The following ANO3 variants were observed in gnomAD, a reference collection of about 807,000 sequenced individuals.
ANO3 encodes the protein anoctamin-3.
ANO3 carries 99 observed loss-of-function variants against 144.8 expected under a neutral mutation model. The ratio of observed to expected loss-of-function variants is 0.68; its 90% CI spans 0.58 to 0.81. The LOEUF (loss-of-function observed/expected upper bound fraction) is 0.81, where lower values mean the gene tolerates loss of function less well. Ranked by LOEUF, ANO3 falls within the 30% of genes least tolerant of loss-of-function variation. The probability of loss-of-function intolerance (pLI) is 0.00; values close to 1 mark genes in which losing one functional copy is unlikely to be tolerated. For missense variants in ANO3, 905 were observed against 1,202.2 expected (o/e 0.75, Z 3.66); for synonymous variants, 414 against 392.6 (o/e 1.05, Z -0.64).
Position 26,598,920 on chromosome 11 carries a change from G to A in ANO3, c.1593G>A (p.Thr531=), listed in dbSNP as rs202180594. The change falls in exon 16 of 27, where the codon ACG becomes ACA. Residue 531 remains threonine (T), a synonymous_variant. Coordinates refer to ENST00000256737, the MANE Select transcript of ANO3 (RefSeq NM_031418.4). ...YYKMEIVNPI[T]GKPEPHQPSS... ...AGATGGAGATTGTAAATCCCATCACGGGAAAACCTGAACCACATCAGCCTT... is the reference window on the plus strand; with the variant it reads ...AGATGGAGATTGTAAATCCCATCACAGGAAAACCTGAACCACATCAGCCTT... 5.2e-5 allele frequency: 84 copies of A among 1,613,776 alleles called. No individual in the cohort carries two copies. The highest frequency in any genetic ancestry group is 2.5e-5 in the Non-Finnish European group (30 of 1,179,934).
intron 17 of ANO3, among the ~76,000 whole-genome samples, chr11:26,612,754 A>C (rs1028461539): frequency 1.3e-5 from 2 of 152,072 alleles, no homozygotes; most frequent in Non-Finnish European, 2.9e-5. Context: ...TCTGAAGGAT[A>C]GCTTTATGGA....
chr11:26,308,149 AATCTAAAT>A (rs1488301108), upstream of ANO3, among the ~76,000 whole-genome samples: 3 of 152,210 alleles, frequency 2.0e-5, no homozygotes, highest in Non-Finnish European at 4.4e-5. Flanking sequence ...ACAATTGGCA[AATCTAAAT>A]ATCTTTCTGC....
At chr11:26,278,668 GT>G (rs1482780961) in intron 1 of ANO3, among the ~76,000 whole-genome samples, 9 of 152,098 alleles carry the variant, frequency 5.9e-5, no homozygotes, top group African/African-American at 2.2e-4. Flanking sequence ...AAATTCTACA[GT>G]GGATAAAACT....
Position 26,277,284 on chromosome 11 carries a change from A to G in ANO3, c.155-32361A>G, listed in dbSNP as rs1021216244. ...AAGGCTAAACATTATATTTCTCATT[A>G]TATAAATAGAAGAGAAAACAATTTG... is the stretch of plus-strand genomic sequence containing the variant. On this transcript the variant is annotated intron_variant, in intron 1 of 27. Coordinates refer to the ANO3 transcript ENST00000672621. 2.0e-5 allele frequency among the ~76,000 whole-genome samples: 3 copies of G among 152,266 alleles called. No homozygotes were observed. In the South Asian group the frequency reaches 6.2e-4, roughly 32 times the overall value.
At chr11:26,343,586 T>C (rs1855420173) in intron 1 of ANO3, among the ~76,000 whole-genome samples, 1 of 152,178 alleles carries the variant, frequency 6.6e-6, no homozygotes, top group South Asian at 2.1e-4. Context: ...GTCGTGCATT[T>C]ACATTCTACT....
intron 21 of ANO3, among the ~76,000 whole-genome samples, chr11:26,641,178 T>C (rs1853138253): frequency 6.7e-6 from 1 of 149,988 alleles, no homozygotes; most frequent in Non-Finnish European, 1.5e-5. Context: ...AAAACAGTAT[T>C]GTTACTTCCT....
At chr11:26,591,152 G>A (rs1851439191) in intron 14 of ANO3, among the ~76,000 whole-genome samples, 1 of 152,146 alleles carries the variant, frequency 6.6e-6, no homozygotes, top group African/African-American at 2.4e-5. Flanking sequence ...CCCTTCCCCA[G>A]CTAGGCTTAG....
intron 1 of ANO3, among the ~76,000 whole-genome samples, chr11:26,355,712 A>G (rs1855764877): frequency 6.6e-6 from 1 of 151,000 alleles, no homozygotes; most frequent in Non-Finnish European, 1.5e-5. Flanking sequence ...GGCGCCCCCC[A>G]CCACGCCTGG....
intron 24 of ANO3, among the ~76,000 whole-genome samples, chr11:26,654,623 AT>A (rs748339676): frequency 3.9e-5 from 6 of 152,040 alleles, no homozygotes; most frequent in Non-Finnish European, 8.8e-5. Context: ...TGTGTAGGCA[AT>A]GTTGAATAGA....
chr11:26,479,114 G>A (rs1443620467), intron 4 of ANO3, among the ~76,000 whole-genome samples: 2 of 152,146 alleles, frequency 1.3e-5, no homozygotes, highest in Non-Finnish European at 2.9e-5. Flanking sequence ...AATCCTGACA[G>A]CTCCATTTGG....
At chr11:26,613,021 A>C (rs200569439) in intron 17 of ANO3, among the ~76,000 whole-genome samples, 1 of 152,154 alleles carries the variant, frequency 6.6e-6, no homozygotes, top group South Asian at 2.1e-4. Context: ...TCCTGAATCT[A>C]TCTAGATATA....
At chr11:26,309,213 GT>G (rs1280380504), upstream of ANO3, among the ~76,000 whole-genome samples, 1 of 152,160 alleles carries the variant, frequency 6.6e-6, no homozygotes, top group Non-Finnish European at 1.5e-5. Context: ...CTGAGCAGAG[GT>G]TAGAAAGGAT....
intron 1 of ANO3, among the ~76,000 whole-genome samples, chr11:26,283,930 A>T (rs1395532738): frequency 6.6e-6 from 1 of 152,204 alleles, no homozygotes; most frequent in Non-Finnish European, 1.5e-5. Context: ...TACCTGCAAG[A>T]TGCACCAGAA....
At chr11:26,652,461 A>G (rs941870976) in intron 24 of ANO3, among the ~76,000 whole-genome samples, 1 of 152,072 alleles carries the variant, frequency 6.6e-6, no homozygotes, top group Non-Finnish European at 1.5e-5. Flanking sequence ...AAGTTCCTAG[A>G]AATAGAACCA....
At chr11:26,297,006 C>G (rs1446242259) in intron 1 of ANO3, among the ~76,000 whole-genome samples, 1 of 152,070 alleles carries the variant, frequency 6.6e-6, no homozygotes, top group East Asian at 1.9e-4. Context: ...GACAGGTAGC[C>G]ACACCCAGGA....
chr11:26,465,751 G>T (rs1254872952), intron 4 of ANO3, among the ~76,000 whole-genome samples: 1 of 151,944 alleles, frequency 6.6e-6, no homozygotes, highest in Non-Finnish European at 1.5e-5. Context: ...ACTAGGAGTT[G>T]TGTAAATAGA....
chr11:26,573,720 C>T lies in ANO3; in HGVS notation c.1447+13941C>T, dbSNP rs149942877. ...TGTTGCTTTTTCCTGAAGACCCTTT[C>T]TGTGGGCCCAGAATCCTATTCATCA... On this transcript the variant is annotated intron_variant, in intron 14 of 26. Transcript: ENST00000256737. Among the ~76,000 whole-genome samples the T allele has an allele frequency of 2.1e-3, 321 of 152,270 alleles. 1 individual carries two copies. The highest frequency in any genetic ancestry group is 3.7e-3 in the Non-Finnish European group (249 of 68,018).
intron 1 of ANO3, among the ~76,000 whole-genome samples, chr11:26,368,689 T>C (rs1856163768): frequency 6.6e-6 from 1 of 152,056 alleles, no homozygotes; most frequent in Admixed American, 6.6e-5. Context: ...TGTGCGTGTG[T>C]GTATGCATGC....
Position 26,383,888 on chromosome 11 carries a change from C to CTTTTTTTTTT in ANO3, c.46+51585_46+51594dup, listed in dbSNP as rs61094091. The stretch of plus-strand genomic sequence containing the variant: ...CATTGTTCTTGTGCCATGCATTGTT[C>CTTTTTTTTTT]TTTTTTTTTTTTTTTTTTTTTTTTT... On this transcript the variant is annotated intron_variant, in intron 1 of 26. Transcript: ENST00000256737. Among the ~76,000 whole-genome samples, 58 of 70,172 alleles carry CTTTTTTTTTT rather than the reference C, an allele frequency of 8.3e-4. 8 individuals carry two copies. Among genetic ancestry groups the CTTTTTTTTTT allele is most frequent in the Non-Finnish European group, 9.9e-4 (40 of 40,360 alleles). The allele number at this position is 70,172 out of a possible 152,430, so 46.0% of individuals were successfully genotyped here. A position where few individuals can be genotyped will look rare whatever the true frequency, so the allele number is the denominator to read the frequency against.
Sources: allele counts gnomAD v4.1 joint callset (sites outside exome capture counted in the v4.1 genomes callset), GRCh38; gene constraint gnomAD v4.1.1; transcripts MANE v1.5; gene names NCBI Gene and HGNC (gene_info 2026-07-23, HGNC 2026-07-21).